Variants in JADE3 observed in about 807,000 individuals in gnomAD.
The protein encoded by JADE3 is jade family PHD finger 3.
A neutral mutation model predicts 50.1 loss-of-function variants in JADE3; 2 were observed. The ratio of observed to expected loss-of-function variants is 0.04; its 90% CI spans 0.02 to 0.13. The LOEUF is 0.13. Among genes scored for constraint, JADE3 ranks in the 10% least tolerant of loss-of-function variants. JADE3 has a pLI of 1.00. For missense variants in JADE3, 475 were observed against 634.4 expected (o/e 0.75, Z 2.70); for synonymous variants, 218 against 232.9 (o/e 0.94, Z 0.58).
In JADE3 at chrX:47,058,337, A is replaced by C. The variant is rs1428530040; in HGVS notation, c.1732A>C (p.Asn578His). The C allele has an allele frequency of 5.8e-6, 7 of 1,209,026 alleles. No individual in the cohort carries two copies. Among genetic ancestry groups the C allele is most frequent in the African/African-American group, 5.3e-5 (3 of 56,925 alleles). ...DSSSSVHSIR[N>H]MQVPQESLEM... The stretch of plus-strand genomic sequence containing the variant: ...CAGCTCATCTGTTCACAGTATAAGG[A>C]ACATGCAGGTGCCTCAGGAGTCACT... The change falls in exon 11 of 11, where the codon AAC becomes CAC. Residue 578 changes from asparagine (N) to histidine (H), a missense_variant. This residue lies in a region of JADE3 where 243 missense variants were observed against 238.2 expected (regional missense o/e 1.02). Coordinates refer to ENST00000614628, the MANE Select transcript of JADE3 (RefSeq NM_014735.5).
chrX:46,961,823 TTA>T (rs1181708658), intron 1 of JADE3, among the ~76,000 whole-genome samples: 2 of 112,081 alleles, frequency 1.8e-5, no homozygotes, highest in Admixed American at 1.9e-4. Context: ...GAAGCTGAAA[TTA>T]TGTATGCAGT....
At chrX:47,003,576 T>TTA (rs2147139996) in intron 4 of JADE3, among the ~76,000 whole-genome samples, 1 of 103,055 alleles carries the variant, frequency 9.7e-6, no homozygotes, top group African/African-American at 3.5e-5. Flanking sequence ...ACCTGTAGTC[T>TTA]TATATATATA....
intron 1 of JADE3, among the ~76,000 whole-genome samples, chrX:46,949,823 A>G: frequency 9.0e-6 from 1 of 111,688 alleles, no homozygotes. Flanking sequence ...ATAATATAGT[A>G]TATATATTCT....
intron 1 of JADE3, among the ~76,000 whole-genome samples, chrX:46,937,334 A>G (rs1556341288): frequency 9.0e-6 from 1 of 110,958 alleles, no homozygotes; most frequent in East Asian, 2.8e-4. Context: ...GGTTTGTTTT[A>G]TGATCTAGGA....
At chrX:46,999,965 C>G (rs973386156) in intron 4 of JADE3, among the ~76,000 whole-genome samples, 3 of 111,278 alleles carry the variant, frequency 2.7e-5, no homozygotes, top group Non-Finnish European at 3.8e-5. Flanking sequence ...CCATCAATTT[C>G]TGTTACATAT....
At chrX:47,006,459 G>GT (rs61687892) in intron 4 of JADE3, among the ~76,000 whole-genome samples, 3,115 of 76,637 alleles carry the variant, frequency 0.041, 172 homozygotes, top group African/African-American at 0.12. Flanking sequence ...AATTTTTGTA[G>GT]TTTTTTTTTT....
intron 1 of JADE3, among the ~76,000 whole-genome samples, chrX:46,949,165 C>T (rs1221126213): frequency 2.7e-5 from 3 of 110,730 alleles, no homozygotes. Flanking sequence ...TCTCAAACTC[C>T]TGGGCTTAAG....
intron 6 of JADE3, among the ~76,000 whole-genome samples, chrX:47,033,063 C>T (rs1005117342): frequency 3.6e-5 from 4 of 111,987 alleles, no homozygotes; most frequent in Non-Finnish European, 7.5e-5. Flanking sequence ...GTGTAATATT[C>T]TATTCAAGAT....
At chrX:47,039,514 G>A (rs964142142) in intron 8 of JADE3, among the ~76,000 whole-genome samples, 1 of 110,142 alleles carries the variant, frequency 9.1e-6, no homozygotes, top group African/African-American at 3.3e-5. Flanking sequence ...CCCATATAGT[G>A]AGCATAGTAA....
At chrX:47,057,746 G>A (rs17147451) in intron 10 of JADE3, among the ~76,000 whole-genome samples, 6,606 of 111,649 alleles carry the variant, frequency 0.059, 476 homozygotes, top group African/African-American at 0.2. Context: ...AGAGGATGGG[G>A]CCTGAAATGT....
At chrX:46,968,758 C>T (rs1443368451) in intron 1 of JADE3, among the ~76,000 whole-genome samples, 4 of 110,268 alleles carry the variant, frequency 3.6e-5, no homozygotes. Flanking sequence ...GTATGCACCA[C>T]ATAACAGAGC....
intron 1 of JADE3, among the ~76,000 whole-genome samples, chrX:46,944,895 G>A (rs1469811731): frequency 9.1e-6 from 1 of 110,375 alleles, no homozygotes; most frequent in African/African-American, 3.3e-5. Flanking sequence ...CCAGGTTGGA[G>A]TGCAGTGGCA....
intron 1 of JADE3, among the ~76,000 whole-genome samples, chrX:46,956,055 T>G (rs1390180341): frequency 9.0e-6 from 1 of 111,609 alleles, no homozygotes; most frequent in Non-Finnish European, 1.9e-5. Flanking sequence ...CCGTGGCCTT[T>G]TTTTGTGTGT....
At chrX:46,956,320 C>A (rs782286455) in intron 1 of JADE3, among the ~76,000 whole-genome samples, 4 of 111,903 alleles carry the variant, frequency 3.6e-5, no homozygotes, top group Non-Finnish European at 7.5e-5. Context: ...CTGCCTCGGC[C>A]TCCCAAAGTG....
At chrX:47,033,399 C>T (rs1223408521) in intron 6 of JADE3, among the ~76,000 whole-genome samples, 1 of 111,950 alleles carries the variant, frequency 8.9e-6, no homozygotes, top group Admixed American at 9.5e-5. Context: ...TTCTATCATC[C>T]TTAAAGTCAG....
At chrX:47,048,605 C>T (rs1929430281) in intron 8 of JADE3, among the ~76,000 whole-genome samples, 1 of 111,743 alleles carries the variant, frequency 8.9e-6, no homozygotes, top group Non-Finnish European at 1.9e-5. Context: ...GTTGTAATTC[C>T]ACTTATATGA....
chrX:46,920,819 A>G (rs1204465577), intron 1 of JADE3, among the ~76,000 whole-genome samples: 2 of 112,327 alleles, frequency 1.8e-5, no homozygotes, highest in East Asian at 2.8e-4. Context: ...ATTGATCTAT[A>G]TATCTATCAT....
At chrX:47,045,567 A>G (rs1316602749) in intron 8 of JADE3, among the ~76,000 whole-genome samples, 2 of 112,795 alleles carry the variant, frequency 1.8e-5, no homozygotes, top group Non-Finnish European at 3.8e-5. Flanking sequence ...TTTACAGAAC[A>G]TTTCATCCAA....
chrX:47,020,772 A>G (rs1407796551), intron 4 of JADE3, among the ~76,000 whole-genome samples: 5 of 112,407 alleles, frequency 4.4e-5, no homozygotes, highest in African/African-American at 1.6e-4. Flanking sequence ...GTACAGCTGA[A>G]TGAATTTTCA....
Sources: gnomAD v4.1 joint callset for allele counts (sites outside exome capture counted in the v4.1 genomes callset) on GRCh38, gnomAD v4.1.1 for gene constraint, gnomAD v4.1.1 regional missense constraint, MANE v1.5 for transcripts, NCBI Gene and HGNC (gene_info 2026-07-23, HGNC 2026-07-21) for gene names.